TAS2R1: variants seen among roughly 807,000 people sequenced by gnomAD.
TAS2R1 encodes the protein taste 2 receptor member 1.
For synonymous variants in TAS2R1, 141 were observed against 134.2 expected, an observed-to-expected ratio of 1.05 and a Z score of -0.35; for missense variants, 370 against 353.4, an observed-to-expected ratio of 1.05 and a Z score of -0.38.
At chr5:9,693,524 CAAAAAAAA>C (rs35262775) in intron 1 of TAS2R1, among the ~76,000 whole-genome samples, 4 of 33,024 alleles carry the variant, frequency 1.2e-4, no homozygotes, top group Non-Finnish European at 2.4e-4. Context: ...AACTCCATCT[CAAAAAAAA>C]AAAAAAAAAA....
At chr5:9,657,802 T>C (rs1199403176) in intron 2 of TAS2R1, among the ~76,000 whole-genome samples, 1 of 151,982 alleles carries the variant, frequency 6.6e-6, no homozygotes, top group Non-Finnish European at 1.5e-5. Context: ...ATAAAAAGAG[T>C]TCTGGAGATC....
At chr5:9,769,585 T>A in the TAS2R1 span, among the ~76,000 whole-genome samples, 2 of 152,184 alleles carry the variant, frequency 1.3e-5, no homozygotes, top group Non-Finnish European at 2.9e-5. Context: ...TTATTGCCTG[T>A]CTTTTGGATA....
At chr5:9,635,005 G>T (rs1739939025), upstream of TAS2R1, among the ~76,000 whole-genome samples, 1 of 152,048 alleles carries the variant, frequency 6.6e-6, no homozygotes, top group Non-Finnish European at 1.5e-5. Context: ...GGTGAAAGTG[G>T]ACATCCTTGT....
At chr5:9,892,314 A>C in the TAS2R1 span, among the ~76,000 whole-genome samples, 1 of 152,332 alleles carries the variant, frequency 6.6e-6, no homozygotes, top group East Asian at 1.9e-4. Flanking sequence ...TCTTCTTCCC[A>C]TGCCATAGCC....
At chr5:9,831,921 A>G in the TAS2R1 span, among the ~76,000 whole-genome samples, 1 of 152,234 alleles carries the variant, frequency 6.6e-6, no homozygotes, top group Non-Finnish European at 1.5e-5. Flanking sequence ...GGAAATTCTT[A>G]GAGATATTTC....
At chr5:9,899,778 A>C in the TAS2R1 span, among the ~76,000 whole-genome samples, 7 of 152,316 alleles carry the variant, frequency 4.6e-5, no homozygotes, top group South Asian at 6.2e-4. Context: ...AATGGTCTAG[A>C]AAAGACACAT....
intron 1 of TAS2R1, among the ~76,000 whole-genome samples, chr5:9,698,713 T>G (rs1261085788): frequency 6.6e-6 from 1 of 152,024 alleles, no homozygotes; most frequent in African/African-American, 2.4e-5. Context: ...AAAGGCAGAG[T>G]GTCCTGGAAA....
the TAS2R1 span, among the ~76,000 whole-genome samples, chr5:9,763,610 G>A: frequency 6.6e-6 from 1 of 152,222 alleles, no homozygotes; most frequent in Non-Finnish European, 1.5e-5. Context: ...GGAAGTTATT[G>A]TCTACAAATG....
At chr5:9,835,280 A>C in the TAS2R1 span, among the ~76,000 whole-genome samples, 1 of 152,224 alleles carries the variant, frequency 6.6e-6, no homozygotes, top group South Asian at 2.1e-4. Flanking sequence ...GCCTCAGAGA[A>C]GCTCTCTCCA....
the TAS2R1 span, among the ~76,000 whole-genome samples, chr5:9,792,380 C>T: frequency 1.3e-5 from 2 of 152,138 alleles, no homozygotes; most frequent in Non-Finnish European, 2.9e-5. Context: ...ATCTGGTAGC[C>T]TATAGATATA....
At chr5:9,754,414 C>T in the TAS2R1 span, among the ~76,000 whole-genome samples, 286 of 152,210 alleles carry the variant, frequency 1.9e-3, no homozygotes, top group African/African-American at 5.6e-3. Flanking sequence ...CCAGGGCAAT[C>T]AGGCAGGAGA....
At chr5:9,697,486 T>A in intron 1 of TAS2R1, among the ~76,000 whole-genome samples, 1 of 152,120 alleles carries the variant, frequency 6.6e-6, no homozygotes, top group East Asian at 1.9e-4. Flanking sequence ...CAACACAGAA[T>A]AAATTAAAGT....
At chr5:9,780,661 G>T in the TAS2R1 span, among the ~76,000 whole-genome samples, 4 of 145,584 alleles carry the variant, frequency 2.7e-5, no homozygotes, top group African/African-American at 1.0e-4. Context: ...CCAGACAAAT[G>T]GAACTAACAG....
chr5:9,711,366 C>G (rs1734656683), intron 1 of TAS2R1, among the ~76,000 whole-genome samples: 1 of 152,154 alleles, frequency 6.6e-6, no homozygotes, highest in African/African-American at 2.4e-5. Context: ...TATGCTACAA[C>G]ACAGATGAAC....
At chr5:9,833,234 T>C in the TAS2R1 span, among the ~76,000 whole-genome samples, 6 of 152,174 alleles carry the variant, frequency 3.9e-5, no homozygotes, top group Non-Finnish European at 8.8e-5. Flanking sequence ...CGTAAGGAAT[T>C]TTCTTGTAGG....
chr5:9,679,499 G>C (rs1015219914), intron 1 of TAS2R1, among the ~76,000 whole-genome samples: 1 of 152,178 alleles, frequency 6.6e-6, no homozygotes, highest in African/African-American at 2.4e-5. Context: ...AATGAGTAAA[G>C]TCTATGAAAC....
chr5:9,709,182 A>C (rs887460565), intron 1 of TAS2R1, among the ~76,000 whole-genome samples: 3 of 147,548 alleles, frequency 2.0e-5, no homozygotes, highest in African/African-American at 7.4e-5. Context: ...CCTAGAACTT[A>C]AAGTAGAAAA....
the TAS2R1 span, among the ~76,000 whole-genome samples, chr5:9,811,708 T>A: frequency 6.6e-6 from 1 of 152,146 alleles, no homozygotes; most frequent in Non-Finnish European, 1.5e-5. Flanking sequence ...CACTCCAAAT[T>A]GATACATTCA....
the TAS2R1 span, among the ~76,000 whole-genome samples, chr5:9,856,327 G>T: frequency 2.0e-5 from 3 of 152,010 alleles, no homozygotes; most frequent in Non-Finnish European, 2.9e-5. Context: ...AGAGGTCAAT[G>T]CCCAGGCTGT....
Sources: gnomAD v4.1 joint callset for allele counts (sites outside exome capture counted in the v4.1 genomes callset) on GRCh38, gnomAD v4.1.1 for gene constraint, MANE v1.5 for transcripts, NCBI Gene and HGNC (gene_info 2026-07-23, HGNC 2026-07-21) for gene names.